Variants in ADGRL2 observed in about 807,000 individuals in gnomAD.
The protein encoded by ADGRL2 is adhesion G protein-coupled receptor L2, also known as calcium-independent alpha-latrotoxin receptor 2.
Under a neutral mutation model 157.4 loss-of-function variants are expected in ADGRL2, and 44 were observed. The observed-to-expected ratio is 0.28, with a 90% CI of 0.22 to 0.36. The LOEUF is 0.36. Among genes scored for constraint, ADGRL2 ranks in the 10% least tolerant of loss-of-function variants. ADGRL2 has a pLI of 1.00. For missense variants in ADGRL2, 1,510 were observed against 1,768.9 expected (o/e 0.85, Z 2.63); for synonymous variants, 585 against 624.7 (o/e 0.94, Z 0.95).
intron 2 of ADGRL2, among the ~76,000 whole-genome samples, chr1:81,788,840 C>T (rs929604362): frequency 3.9e-5 from 6 of 152,194 alleles, no homozygotes; most frequent in African/African-American, 4.8e-5. Flanking sequence ...TTCAGCCTCC[C>T]GAGTAGCTGG....
At chr1:81,945,899 A>G (rs943929656) in intron 6 of ADGRL2, among the ~76,000 whole-genome samples, 2 of 151,924 alleles carry the variant, frequency 1.3e-5, no homozygotes, top group Admixed American at 1.3e-4. Flanking sequence ...TTTGTAATTT[A>G]TATTATGCAT....
chr1:81,381,378 G>A (rs1043154199), intron 1 of ADGRL2, among the ~76,000 whole-genome samples: 1 of 151,998 alleles, frequency 6.6e-6, no homozygotes, highest in Non-Finnish European at 1.5e-5. Flanking sequence ...AATAATGGCT[G>A]TTGGTTTAAA....
chr1:81,575,531 G>A (rs562596542), intron 2 of ADGRL2, among the ~76,000 whole-genome samples: 1 of 152,066 alleles, frequency 6.6e-6, no homozygotes, highest in African/African-American at 2.4e-5. Flanking sequence ...AGAATTAGGA[G>A]CAAGGGCTAA....
intron 1 of ADGRL2, among the ~76,000 whole-genome samples, chr1:81,829,530 C>A (rs2091782363): frequency 6.6e-6 from 1 of 151,962 alleles, no homozygotes; most frequent in Admixed American, 6.6e-5. Context: ...TGTAGTTTTC[C>A]CAGGAAGGCA....
chr1:81,542,825 A>G (rs192973143), intron 2 of ADGRL2, among the ~76,000 whole-genome samples: 10 of 152,286 alleles, frequency 6.6e-5, no homozygotes, highest in Admixed American at 2.6e-4. Flanking sequence ...AGATTTTACA[A>G]TAGTTATTTC....
chr1:81,404,270 C>T (rs2076814844), intron 1 of ADGRL2, among the ~76,000 whole-genome samples: 1 of 152,028 alleles, frequency 6.6e-6, no homozygotes, highest in Admixed American at 6.6e-5. Flanking sequence ...CTTTGAAGCC[C>T]CGGTTATCTT....
intron 2 of ADGRL2, among the ~76,000 whole-genome samples, chr1:81,532,309 T>C (rs1193646340): frequency 1.3e-5 from 2 of 152,166 alleles, no homozygotes; most frequent in Middle Eastern, 3.2e-3. Flanking sequence ...AAGGTTACCC[T>C]AATGTTTCCT....
At chr1:81,872,061 T>G (rs1386431830) in intron 2 of ADGRL2, among the ~76,000 whole-genome samples, 3 of 152,192 alleles carry the variant, frequency 2.0e-5, no homozygotes, top group Non-Finnish European at 4.4e-5. Context: ...TTTTATGGTT[T>G]TAGGTCTGAC....
chr1:81,461,855 C>T (rs1356970108), intron 2 of ADGRL2, among the ~76,000 whole-genome samples: 2 of 147,770 alleles, frequency 1.4e-5, no homozygotes, highest in Non-Finnish European at 3.0e-5. Context: ...AAATTTAAAA[C>T]CTGCCAGTAG....
chr1:81,310,673 A>G lies in ADGRL2; in HGVS notation c.-302+4164A>G, dbSNP rs1021337937. On this transcript the variant is annotated intron_variant, in intron 1 of 24. Coordinates refer to the ADGRL2 transcript ENST00000370721. ...CCTATCTTTAAAGTTATTTTAATATATCAGTTTTGCCCAGATTAGCCAAGT... is the reference window on the plus strand; with the variant it reads ...CCTATCTTTAAAGTTATTTTAATATGTCAGTTTTGCCCAGATTAGCCAAGT... Among the ~76,000 whole-genome samples the G allele has an allele frequency of 3.9e-5, 6 of 152,138 alleles. No individual in the cohort carries two copies. In the South Asian group the frequency reaches 1.2e-3, roughly 32 times the overall value.
chr1:81,678,798 CTT>C lies in ADGRL2; in HGVS notation c.-142-83010_-142-83009del, dbSNP rs560889271. 2.3e-3 allele frequency among the ~76,000 whole-genome samples: 347 copies of C among 152,112 alleles called. 2 individuals carry two copies. Among genetic ancestry groups the C allele is most frequent in the African/African-American group, 7.9e-3 (329 of 41,520 alleles). On this transcript the variant is annotated intron_variant, in intron 3 of 24. Transcript: ENST00000370721. ...GGTTCCGAGGTGGTCCCATTTTTTTCTTTTGTCGGGAAAATAAGAGAAAAAAG... is the reference window on the plus strand; with the variant it reads ...GGTTCCGAGGTGGTCCCATTTTTTTCTTGTCGGGAAAATAAGAGAAAAAAG...
intron 3 of ADGRL2, among the ~76,000 whole-genome samples, chr1:81,679,886 C>T (rs1169370619): frequency 6.6e-6 from 1 of 152,066 alleles, no homozygotes; most frequent in Non-Finnish European, 1.5e-5. Flanking sequence ...GTGGGAACCT[C>T]GTAAAATGGT....
chr1:81,432,263 G>A (rs2077334960), intron 1 of ADGRL2, among the ~76,000 whole-genome samples: 1 of 152,188 alleles, frequency 6.6e-6, no homozygotes, highest in Admixed American at 6.5e-5. Flanking sequence ...TGACTGGAAA[G>A]TAAACAATAG....
intron 1 of ADGRL2, among the ~76,000 whole-genome samples, chr1:81,710,133 C>T (rs188918906): frequency 5.3e-5 from 8 of 152,140 alleles, no homozygotes; most frequent in East Asian, 1.9e-4. Context: ...TATTTTCTAA[C>T]GTGTCAGATT....
chr1:81,651,366 CAG>C (rs1310608133), intron 3 of ADGRL2, among the ~76,000 whole-genome samples: 1 of 152,090 alleles, frequency 6.6e-6, no homozygotes, highest in African/African-American at 2.4e-5. Flanking sequence ...TAGGTTGGGG[CAG>C]AGTCTTGCTA....
intron 2 of ADGRL2, among the ~76,000 whole-genome samples, chr1:81,562,564 C>T (rs1363132386): frequency 1.3e-5 from 2 of 152,030 alleles, no homozygotes; most frequent in Non-Finnish European, 2.9e-5. Flanking sequence ...ATTGTATAGC[C>T]TCAGCTGGAA....
chr1:81,419,570 T>A (rs982838194), intron 1 of ADGRL2, among the ~76,000 whole-genome samples: 3 of 152,208 alleles, frequency 2.0e-5, no homozygotes, highest in African/African-American at 7.2e-5. Context: ...TAACTACTTA[T>A]TTGCCAAATG....
chr1:81,577,927 C>A (rs1372988283), intron 2 of ADGRL2, among the ~76,000 whole-genome samples: 1 of 152,040 alleles, frequency 6.6e-6, no homozygotes, highest in Non-Finnish European at 1.5e-5. Context: ...AAGGTGCAAA[C>A]CATTAGGAAA....
At chr1:81,671,469 T>C (rs914291032) in intron 3 of ADGRL2, among the ~76,000 whole-genome samples, 6 of 152,108 alleles carry the variant, frequency 3.9e-5, no homozygotes, top group African/African-American at 1.4e-4. Context: ...CTTGTTAAAA[T>C]GCAGACTCAG....
Sources: gnomAD v4.1 joint callset for allele counts (sites outside exome capture counted in the v4.1 genomes callset) on GRCh38, gnomAD v4.1.1 for gene constraint, MANE v1.5 for transcripts, NCBI Gene and HGNC (gene_info 2026-07-23, HGNC 2026-07-21) for gene names.